GATAD2B: variants seen among roughly 807,000 people sequenced by gnomAD.
GATAD2B encodes GATA zinc finger domain containing 2B, also known as transcriptional repressor p66-beta.
A neutral mutation model predicts 64.3 loss-of-function variants in GATAD2B; 8 were observed. The ratio of observed to expected loss-of-function variants is 0.12; its 90% CI spans 0.07 to 0.22. The LOEUF is 0.22. GATAD2B is among the 10% of genes least tolerant of loss of function. The pLI, the probability that GATAD2B is intolerant of heterozygous loss-of-function variation, is 1.00. For synonymous variants in GATAD2B, 281 were observed against 271.3 expected (o/e 1.04, Z -0.35); for missense variants, 453 against 752.0 (o/e 0.60, Z 4.65).
chr1:153,811,457 G>C (rs1674288825), intron 10 of GATAD2B: 2 of 481,580 alleles, frequency 4.2e-6, no homozygotes, highest in Non-Finnish European at 7.3e-6. Context: ...CCGGCCAAAA[G>C]AGATCAATAA....
At position 153,819,518 on chromosome 1, in the gene GATAD2B, T is replaced by C. The variant is rs113145837; in HGVS notation, c.465+88A>G. ...TGGGTATTTATATCCAAAGAGTAAA[T>C]AGTCAAAAAACAGAACTAAATCTCT... On this transcript the variant is annotated intron_variant, in intron 3 of 10. Transcript: ENST00000368655. 4.4e-5 allele frequency: 42 copies of C among 956,760 alleles called. 1 individual carries two copies. The highest frequency in any genetic ancestry group is 2.7e-4 in the African/African-American group (16 of 60,316). 59.3% of individuals were successfully genotyped at this position (956,760 alleles called of 1,614,324 possible). A position where few individuals can be genotyped will look rare whatever the true frequency, so the allele number is the denominator to read the frequency against.
At chr1:153,848,830 T>G (rs532983496) in intron 1 of GATAD2B, among the ~76,000 whole-genome samples, 93 of 152,202 alleles carry the variant, frequency 6.1e-4, no homozygotes, top group African/African-American at 2.2e-3. Context: ...GGTGGGTGCC[T>G]GTAATCCCAG....
chr1:153,913,034 G>A (rs1383394918), intron 1 of GATAD2B, among the ~76,000 whole-genome samples: 2 of 152,186 alleles, frequency 1.3e-5, no homozygotes, highest in East Asian at 3.9e-4. Flanking sequence ...GTTGCAGTGA[G>A]CCAAGATCAC....
At chr1:153,873,156 G>C (rs1355825738) in intron 1 of GATAD2B, among the ~76,000 whole-genome samples, 1 of 152,068 alleles carries the variant, frequency 6.6e-6, no homozygotes, top group Non-Finnish European at 1.5e-5. Flanking sequence ...AAACTATTCT[G>C]ATCTCACAGA....
Position 153,816,158 on chromosome 1 carries a change from G to T in GATAD2B, c.1216+115C>A. 2.9e-6 allele frequency: 2 copies of T among 686,228 alleles called. No individual in the cohort carries two copies. The highest frequency in any genetic ancestry group is 5.0e-6 in the Non-Finnish European group (2 of 396,338). 42.5% of individuals were successfully genotyped at this position (686,228 alleles called of 1,614,324 possible). A position where few individuals can be genotyped will look rare whatever the true frequency, so the allele number is the denominator to read the frequency against. ...GTAAAGAAGGGAGGGAGGTGGTTTG[G>T]TAACAGGAAGGAGAAGTTATTTAAT... On this transcript the variant is annotated intron_variant, in intron 7 of 10. Transcript: ENST00000368655. This position sits in a 1 kb window ranked among gnomAD's most constrained non-coding sequence, Gnocchi z 4.9.
intron 1 of GATAD2B, chr1:153,853,228 C>A: frequency 1.8e-6 from 2 of 1,106,906 alleles, no homozygotes; most frequent in South Asian, 1.3e-5. Context: ...GCACACTGGT[C>A]ATGGCCACCG....
chr1:153,849,907 C>T (rs534350806), intron 1 of GATAD2B, among the ~76,000 whole-genome samples: 17 of 152,306 alleles, frequency 1.1e-4, no homozygotes, highest in African/African-American at 4.1e-4. Flanking sequence ...GCTGGGATTA[C>T]AGGCATGAGC....
intron 1 of GATAD2B, among the ~76,000 whole-genome samples, chr1:153,872,389 T>C (rs1457640582): frequency 6.7e-6 from 1 of 149,230 alleles, no homozygotes; most frequent in Non-Finnish European, 1.5e-5. Context: ...TGAAACCCTA[T>C]CAATGAACTT....
intron 8 of GATAD2B, 100 bp from the exon 9 acceptor site, chr1:153,812,232 G>A: frequency 1.5e-6 from 1 of 656,748 alleles, no homozygotes; most frequent in Non-Finnish European, 2.6e-6. Context: ...ATCTGACTTT[G>A]TTGCCCAGGC....
rs143536645 is a variant in GATAD2B at position 153,850,263 on chromosome 1, T to C, written c.-1-21915A>G. ...GTTTGGGGATCTCAGACCAAGCTGG[T>C]GATAATAATTTAAACCCACACAAAT... On this transcript the variant is annotated intron_variant, in intron 1 of 10. Coordinates refer to ENST00000368655, the MANE Select transcript of GATAD2B (RefSeq NM_020699.4). Among the ~76,000 whole-genome samples the C allele has an allele frequency of 8.7e-4, 132 of 152,206 alleles. 2 individuals carry two copies. Among genetic ancestry groups the C allele is most frequent in the Admixed American group, 1.9e-3 (29 of 15,286 alleles).
chr1:153,821,272 C>T (rs1036866452), intron 2 of GATAD2B, among the ~76,000 whole-genome samples: 5 of 152,024 alleles, frequency 3.3e-5, no homozygotes, highest in Admixed American at 1.3e-4. Flanking sequence ...GTGTGAGCCA[C>T]CATGCCCAGC....
At chr1:153,868,375 T>A (rs1368536001) in intron 1 of GATAD2B, among the ~76,000 whole-genome samples, 1 of 151,932 alleles carries the variant, frequency 6.6e-6, no homozygotes, top group African/African-American at 2.4e-5. Context: ...CTCTTTAATG[T>A]CTGGCTTAAT....
At position 153,867,212 on chromosome 1, in the gene GATAD2B, T is replaced by C. The variant is rs181030768; in HGVS notation, c.-1-38864A>G. Among the ~76,000 whole-genome samples the C allele has an allele frequency of 2.0e-5, 3 of 152,232 alleles. 1 individual carries two copies. The highest frequency in any genetic ancestry group is 1.3e-4 in the Admixed American group (2 of 15,268). On this transcript the variant is annotated intron_variant, in intron 1 of 10. Coordinates refer to ENST00000368655, the MANE Select transcript of GATAD2B (RefSeq NM_020699.4). ...ACGCTACTATTTCTAAGAGGAGACT[T>C]AGATAACATAGAACCAAAAGAAACC...
chr1:153,857,278 T>G (rs911108796), intron 1 of GATAD2B, among the ~76,000 whole-genome samples: 1 of 151,908 alleles, frequency 6.6e-6, no homozygotes, highest in Non-Finnish European at 1.5e-5. Context: ...AAACCCTGTC[T>G]CCACCAAAAA....
chr1:153,810,241 C>A lies in GATAD2B; in HGVS notation c.1718G>T (p.Arg573Leu). 6.2e-7 allele frequency: 1 copy of A among 1,613,000 alleles called. No homozygotes were observed. The highest frequency in any genetic ancestry group is 8.5e-7 in the Non-Finnish European group (1 of 1,179,518). The stretch of plus-strand genomic sequence containing the variant: ...AGGGATCATGTCTAAAAGGTATTCA[C>A]GCTGTCGGTCTGCCAAACTGGGGCC... The part of the protein sequence containing the change: ...HKGPSLADRQ[R>L]EYLLDMIPPR... The change falls in exon 11 of 11, where the codon CGT (arginine) becomes CTT (leucine). Residue 573 changes from arginine to leucine, a missense_variant. Around this residue, in one of 2 missense-constraint regions of GATAD2B, gnomAD observed 160 missense variants for 334.7 expected, o/e 0.48. Coordinates refer to ENST00000368655, the MANE Select transcript of GATAD2B (RefSeq NM_020699.4).
chr1:153,867,459 T>C (rs562689412), intron 1 of GATAD2B, among the ~76,000 whole-genome samples: 3 of 151,888 alleles, frequency 2.0e-5, no homozygotes, highest in South Asian at 2.1e-4. Flanking sequence ...CAGTGAGCTA[T>C]GATTGCACCA....
intron 1 of GATAD2B, among the ~76,000 whole-genome samples, chr1:153,860,482 G>A (rs181825163): frequency 7.9e-4 from 120 of 151,446 alleles, no homozygotes; most frequent in Admixed American, 7.0e-3. Context: ...CTACAGGTGC[G>A]TGCCACCTCA....
chr1:153,890,070 G>T (rs1677323872), intron 1 of GATAD2B, among the ~76,000 whole-genome samples: 2 of 151,594 alleles, frequency 1.3e-5, no homozygotes, highest in Admixed American at 6.6e-5. Flanking sequence ...CACTCGGGAG[G>T]CTGAGACAGA....
At chr1:153,869,098 G>A (rs765003351) in intron 1 of GATAD2B, among the ~76,000 whole-genome samples, 57 of 152,062 alleles carry the variant, frequency 3.7e-4, no homozygotes, top group Non-Finnish European at 7.4e-4. Context: ...TTCAAGACCA[G>A]CCTGACCAAC....
Sources: allele counts gnomAD v4.1 joint callset (sites outside exome capture counted in the v4.1 genomes callset), GRCh38; gene constraint gnomAD v4.1.1; regional missense constraint gnomAD v4.1.1; non-coding constraint Gnocchi (gnomAD v3.1); transcripts MANE v1.5; gene names NCBI Gene and HGNC (gene_info 2026-07-23, HGNC 2026-07-21).